Variants in MAPKAP1 observed in about 807,000 individuals in gnomAD.
The protein encoded by MAPKAP1 is MAPK associated protein 1, also known as target of rapamycin complex 2 subunit MAPKAP1.
In MAPKAP1, 20 loss-of-function variants were observed where a neutral mutation model predicts 65.7. The ratio of observed to expected loss-of-function variants is 0.30; its 90% confidence interval spans 0.21 to 0.44. The LOEUF is 0.44. MAPKAP1 is among the 20% of genes least tolerant of loss of function. The pLI, the probability that MAPKAP1 is intolerant of heterozygous loss-of-function variation, is 1.00. For missense variants in MAPKAP1, 423 were observed against 648.0 expected (o/e 0.65, Z 3.77); for synonymous variants, 222 against 244.3 (o/e 0.91, Z 0.85).
chr9:125,498,237 C>T (rs140661796), intron 8 of MAPKAP1, among the ~76,000 whole-genome samples: 2 of 152,316 alleles, frequency 1.3e-5, no homozygotes, highest in African/African-American at 4.8e-5. Flanking sequence ...GTCATATCTG[C>T]TTCATCTGTA....
intron 5 of MAPKAP1, chr9:125,572,860 T>C (rs1413183121): frequency 6.6e-6 from 1 of 152,232 alleles, no homozygotes; most frequent in Non-Finnish European, 1.5e-5. Context: ...GCTTACTGAA[T>C]GTTTTCTTAA....
rs767252589 is a variant in MAPKAP1, at chr9:125,438,893, C to G, written c.1563G>C (p.Gln521His). The G allele has an allele frequency of 6.2e-7, 1 of 1,614,200 alleles. No individual in the cohort carries two copies. Among genetic ancestry groups the G allele is most frequent in the Non-Finnish European group, 8.5e-7 (1 of 1,180,014 alleles). Residue 521 changes from glutamine (Q) to histidine (H), a missense_variant, in exon 12 of 12, where the codon CAG becomes CAC. Physicochemically the swap from Gln to His is conservative, Grantham distance 24. Around this residue, in one of 6 missense-constraint regions of MAPKAP1, gnomAD observed 185 missense variants for 268.1 expected, o/e 0.69. Transcript: ENST00000265960. ...TTGAGGCTGGAGGCCAGTGTCACTG[C>G]TGCCCGGATTTCTTCTCCTTCTGGA... is the stretch of plus-strand genomic sequence containing the variant. ...FSFQKEKKSG[Q>H]Q
Position 125,457,861 on chromosome 9 carries a change from G to A in MAPKAP1, c.1345+10111C>T, listed in dbSNP as rs997097995. 1.1e-4 allele frequency among the ~76,000 whole-genome samples: 17 copies of A among 152,220 alleles called. 1 individual carries two copies. The highest frequency in any genetic ancestry group is 2.9e-5 in the Non-Finnish European group (2 of 68,042). Reference sequence around the variant, plus strand: ...TAAGGTCCCACTGCAGGCATGCATAGTTTAGTATACAGTGAAAGATTCAAG... The same window carrying A: ...TAAGGTCCCACTGCAGGCATGCATAATTTAGTATACAGTGAAAGATTCAAG... On this transcript the variant is annotated intron_variant, in intron 10 of 11. Coordinates refer to ENST00000265960, the MANE Select transcript of MAPKAP1 (RefSeq NM_001006617.3).
rs774208990 is a variant in MAPKAP1, at chr9:125,438,881, C to T, written c.*6G>A. 2 of 1,614,140 alleles carry T rather than the reference C, an allele frequency of 1.2e-6. No homozygotes were observed. The highest frequency in any genetic ancestry group is 1.1e-5 in the South Asian group (1 of 91,068). On this transcript the variant is annotated 3_prime_UTR_variant, in exon 12 of 12. Transcript: ENST00000265960. ...CTACGGAACAGATTGAGGCTGGAGG[C>T]CAGTGTCACTGCTGCCCGGATTTCT... is the stretch of plus-strand genomic sequence containing the variant.
chr9:125,458,182 C>G (rs921413968), intron 10 of MAPKAP1, among the ~76,000 whole-genome samples: 1 of 148,636 alleles, frequency 6.7e-6, no homozygotes, highest in African/African-American at 2.5e-5. Context: ...CTAATCTGGT[C>G]GAAGTTACCA....
chr9:125,466,449 T>C (rs1349167914), intron 10 of MAPKAP1, among the ~76,000 whole-genome samples: 1 of 152,242 alleles, frequency 6.6e-6, no homozygotes, highest in African/African-American at 2.4e-5. Context: ...CTTTCCACTC[T>C]AGCTTATCCC....
Position 125,595,680 on chromosome 9 carries a change from A to T in MAPKAP1, c.499-9953T>A, listed in dbSNP as rs1832102487. ...TCTTCTCCCTGCCGTCCTAAGTCAG[A>T]GTCTCCTAAAGAGCCGGAACAGCTA... On this transcript the variant is annotated intron_variant, in intron 4 of 11. Transcript: ENST00000265960. The surrounding 1 kb of genome is among the most constrained non-coding windows in gnomAD (Gnocchi z 4.0). 1.5e-5 allele frequency: 23 copies of T among 1,535,168 alleles called. No individual in the cohort carries two copies. In the South Asian group the frequency reaches 2.5e-4, roughly 17 times the overall value.
At chr9:125,649,319 C>T (rs907966311) in intron 4 of MAPKAP1, among the ~76,000 whole-genome samples, 7 of 152,174 alleles carry the variant, frequency 4.6e-5, no homozygotes, top group Non-Finnish European at 8.8e-5. Context: ...AACAAAAATA[C>T]GTCCATGTTG....
At chr9:125,446,274 G>A (rs779397522) in intron 10 of MAPKAP1, among the ~76,000 whole-genome samples, 1 of 152,106 alleles carries the variant, frequency 6.6e-6, no homozygotes, top group Non-Finnish European at 1.5e-5. Context: ...TACTAATTGT[G>A]ACTATAAATC....
At chr9:125,512,184 G>C (rs1829320301) in intron 7 of MAPKAP1, among the ~76,000 whole-genome samples, 1 of 152,214 alleles carries the variant, frequency 6.6e-6, no homozygotes, top group Non-Finnish European at 1.5e-5. Context: ...ACAGCTGCTA[G>C]CTAGCTGAAA....
intron 7 of MAPKAP1, among the ~76,000 whole-genome samples, chr9:125,536,234 T>C (rs1830069401): frequency 6.6e-6 from 1 of 152,178 alleles, no homozygotes; most frequent in African/African-American, 2.4e-5. Flanking sequence ...GTACTCTATA[T>C]TTGGGAAGAT....
At chr9:125,644,421 A>C (rs956919697) in intron 4 of MAPKAP1, among the ~76,000 whole-genome samples, 3 of 152,240 alleles carry the variant, frequency 2.0e-5, no homozygotes, top group Non-Finnish European at 4.4e-5. Context: ...GGCAAAATTA[A>C]TTTTTGCAAC....
chr9:125,524,920 T>C (rs922486518), intron 7 of MAPKAP1, among the ~76,000 whole-genome samples: 11 of 152,308 alleles, frequency 7.2e-5, no homozygotes, highest in South Asian at 6.2e-4. Flanking sequence ...GAAGGCTAGG[T>C]CATTCCTACA....
At chr9:125,537,685 G>A (rs760049876) in intron 7 of MAPKAP1, among the ~76,000 whole-genome samples, 2 of 152,182 alleles carry the variant, frequency 1.3e-5, no homozygotes, top group African/African-American at 4.8e-5. Context: ...GTTTCACTAT[G>A]TTGTCCAGTG....
At chr9:125,610,986 A>G (rs999589098) in intron 4 of MAPKAP1, among the ~76,000 whole-genome samples, 1 of 152,262 alleles carries the variant, frequency 6.6e-6, no homozygotes. Context: ...CAAAATATAA[A>G]ATAAATGTGT....
At chr9:125,683,564 T>C (rs1358412595) in intron 1 of MAPKAP1, among the ~76,000 whole-genome samples, 1 of 152,120 alleles carries the variant, frequency 6.6e-6, no homozygotes, top group Non-Finnish European at 1.5e-5. Flanking sequence ...ATCTTAGTCA[T>C]ATCACCGCAA....
intron 4 of MAPKAP1, among the ~76,000 whole-genome samples, chr9:125,644,734 G>A (rs1455439042): frequency 6.6e-6 from 1 of 152,150 alleles, no homozygotes; most frequent in Non-Finnish European, 1.5e-5. Flanking sequence ...TTAATTTAAT[G>A]CTGAACGCTT....
chr9:125,669,498 T>A (rs1170893512), intron 3 of MAPKAP1, among the ~76,000 whole-genome samples: 2 of 151,804 alleles, frequency 1.3e-5, no homozygotes, highest in Non-Finnish European at 2.9e-5. Flanking sequence ...ATAATAATAA[T>A]AAAAATCAAA....
intron 4 of MAPKAP1, among the ~76,000 whole-genome samples, chr9:125,653,964 T>C (rs1282366545): frequency 6.6e-6 from 1 of 152,218 alleles, no homozygotes; most frequent in East Asian, 1.9e-4. Context: ...GGATAATATC[T>C]GCAAATGCAA....
Sources: gnomAD v4.1 joint callset for allele counts (sites outside exome capture counted in the v4.1 genomes callset) on GRCh38, gnomAD v4.1.1 for gene constraint, gnomAD v4.1.1 regional missense constraint, Gnocchi (gnomAD v3.1) non-coding constraint, MANE v1.5 for transcripts, NCBI Gene and HGNC (gene_info 2026-07-23, HGNC 2026-07-21) for gene names.